The following NSUN6 variants were observed in gnomAD, a reference collection of about 807,000 sequenced individuals.
NSUN6 encodes the protein tRNA (cytosine(72)-C(5))-methyltransferase NSUN6.
In NSUN6, 64 loss-of-function variants were observed where a neutral mutation model predicts 58.0. That is an observed-to-expected ratio of 1.10 (90% CI 0.90 to 1.36). NSUN6 has a LOEUF of 1.36. Among genes scored for constraint, NSUN6 ranks in the 40% most tolerant of loss-of-function variants. NSUN6 has a pLI of 0.00. For missense variants in NSUN6, 701 were observed against 550.1 expected (o/e 1.27, Z -2.74); for synonymous variants, 231 against 193.9 (o/e 1.19, Z -1.59).
chr10:18,562,381 G>A (rs1471214680), intron 8 of NSUN6, among the ~76,000 whole-genome samples: 19 of 146,050 alleles, frequency 1.3e-4, no homozygotes, highest in African/African-American at 4.3e-4. Context: ...AAGAATGGAG[G>A]ATAGAATAGA....
At chr10:18,620,781 G>A (rs1477143684) in intron 3 of NSUN6, among the ~76,000 whole-genome samples, 1 of 152,128 alleles carries the variant, frequency 6.6e-6, no homozygotes, top group South Asian at 2.1e-4. Flanking sequence ...AGTCTGACTT[G>A]TACCAAAGTC....
At chr10:18,565,614 CCATTTGTTA>C (rs1039595980) in intron 8 of NSUN6, among the ~76,000 whole-genome samples, 1 of 150,434 alleles carries the variant, frequency 6.6e-6, no homozygotes, top group Non-Finnish European at 1.5e-5. Flanking sequence ...ATTCCATTCT[CCATTTGTTA>C]CATTTTCCAT....
chr10:18,588,163 G>T (rs1197966081), intron 7 of NSUN6, among the ~76,000 whole-genome samples: 1 of 152,196 alleles, frequency 6.6e-6, no homozygotes, highest in Non-Finnish European at 1.5e-5. Flanking sequence ...TTTGGACTGG[G>T]AAGAATTGAC....
At chr10:18,652,342 G>C (rs1200632448), upstream of NSUN6, 2 of 982,702 alleles carry the variant, frequency 2.0e-6, no homozygotes, top group African/African-American at 1.8e-5. Context: ...CTATCACCTT[G>C]ACATATGTTT....
chr10:18,570,727 ACTCCATTTCATTCCATT>A (rs2056307447), intron 8 of NSUN6, among the ~76,000 whole-genome samples: 2 of 131,528 alleles, frequency 1.5e-5, no homozygotes, highest in African/African-American at 5.9e-5. Flanking sequence ...TCCATTCTCC[ACTCCATTTCATTCCATT>A]CTCCATTCCA....
chr10:18,587,888 T>C (rs964799618), intron 7 of NSUN6, among the ~76,000 whole-genome samples: 1 of 152,148 alleles, frequency 6.6e-6, no homozygotes, highest in African/African-American at 2.4e-5. Context: ...GTTTTTTTTT[T>C]TGTACCTCAG....
chr10:18,628,626 A>G (rs954378754), intron 3 of NSUN6, among the ~76,000 whole-genome samples: 24 of 152,220 alleles, frequency 1.6e-4, no homozygotes, highest in East Asian at 1.9e-4. Context: ...CTCAGGAGCC[A>G]ATGTGATCAA....
In NSUN6 at chr10:18,586,084, T is replaced by C. The variant is rs140611853; in HGVS notation, c.787A>G (p.Ile263Val). 13 of 1,575,416 alleles carry C rather than the reference T, an allele frequency of 8.3e-6. No homozygotes were observed. The African/African-American group carries it at 1.8e-4, about 22-fold the overall frequency. ...TTGTTGAAGATTTTATCCAGTGCTA[T>C]AACTTCTCCCTAAAAAGAAACAAAA... ...AALMHDQGEV[I>V]ALDKIFNKVE... Residue 263 changes from isoleucine to valine, a missense_variant, in exon 8 of 11, where the codon ATA (isoleucine) becomes GTA (valine). Transcript: ENST00000377304.
intron 7 of NSUN6, among the ~76,000 whole-genome samples, chr10:18,588,852 G>A (rs1042834388): frequency 3.0e-4 from 46 of 152,154 alleles, no homozygotes; most frequent in African/African-American, 1.1e-3. Context: ...AAACCAGAAT[G>A]CCTCTTCTCC....
intron 7 of NSUN6, among the ~76,000 whole-genome samples, chr10:18,592,542 G>C (rs558895073): frequency 1.3e-5 from 2 of 152,118 alleles, no homozygotes; most frequent in Non-Finnish European, 2.9e-5. Flanking sequence ...TAACAGAACA[G>C]AGACCTCAGA....
At chr10:18,563,434 T>A (rs1245382024) in intron 8 of NSUN6, among the ~76,000 whole-genome samples, 1 of 149,662 alleles carries the variant, frequency 6.7e-6, no homozygotes, top group Non-Finnish European at 1.5e-5. Context: ...ATGGCAGGAA[T>A]GGAATGGAGA....
intron 3 of NSUN6, among the ~76,000 whole-genome samples, chr10:18,625,523 A>G (rs1010247357): frequency 1.3e-5 from 2 of 151,462 alleles, no homozygotes; most frequent in Non-Finnish European, 2.9e-5. Flanking sequence ...GACCAGCCTG[A>G]CCAACATGGT....
rs757323850 is a variant in NSUN6 at position 18,609,882 on chromosome 10, G to A, written c.620C>T (p.Ser207Leu). Residue 207 changes from serine (S) to leucine (L), a missense_variant, in exon 6 of 11, where the codon TCA (serine) becomes TTA (leucine). Physicochemically the swap from Ser to Leu is moderately radical, Grantham distance 145. Transcript: ENST00000377304. ...GTAACGGGGCAGTACACTGTCAAAT[G>A]AAGGGCTGAGATATACTGGTTCTGT... is the stretch of plus-strand genomic sequence containing the variant. ...RMTEPVYLSP[S>L]FDSVLPRYLF... 1 of 1,605,120 alleles carries A rather than the reference G, an allele frequency of 6.2e-7. No homozygotes were observed. The highest frequency in any genetic ancestry group is 8.5e-7 in the Non-Finnish European group (1 of 1,172,010).
chr10:18,569,787 T>C (rs543106996), intron 8 of NSUN6, among the ~76,000 whole-genome samples: 31 of 151,614 alleles, frequency 2.0e-4, no homozygotes, highest in Admixed American at 4.0e-4. Context: ...TGCATTTCAT[T>C]CCATTCTCCA....
intron 8 of NSUN6, among the ~76,000 whole-genome samples, chr10:18,560,461 T>G (rs1766510296): frequency 7.8e-6 from 1 of 127,810 alleles, no homozygotes; most frequent in East Asian, 2.4e-4. Flanking sequence ...CATGCACTGG[T>G]GAATAGAAAG....
Position 18,546,092 on chromosome 10 carries a change from C to T in NSUN6, c.1251G>A (p.Gln417=). 6.2e-7 allele frequency: 1 copy of T among 1,611,768 alleles called. No individual in the cohort carries two copies. The highest frequency in any genetic ancestry group is 8.5e-7 in the Non-Finnish European group (1 of 1,179,208). The change falls in exon 11 of 11, where the codon CAG becomes CAA. Residue 417 remains glutamine (Q), a synonymous_variant. Transcript: ENST00000377304. ...GATCAAATCGCTGCAGCTGTTTCAACTGTTCACATGAGAGCCCAGCTCCCC... is the reference window on the plus strand; with the variant it reads ...GATCAAATCGCTGCAGCTGTTTCAATTGTTCACATGAGAGCCCAGCTCCCC... ...GMRGAGLSCE[Q]LKQLQRFDPS...
chr10:18,629,825 G>T (rs2058964095), intron 3 of NSUN6, among the ~76,000 whole-genome samples: 2 of 147,328 alleles, frequency 1.4e-5, no homozygotes, highest in African/African-American at 5.0e-5. Context: ...ACACCCCACT[G>T]TCAACATTAC....
chr10:18,639,349 C>T (rs1200602572), intron 3 of NSUN6, among the ~76,000 whole-genome samples: 2 of 151,960 alleles, frequency 1.3e-5, no homozygotes, highest in African/African-American at 4.8e-5. Flanking sequence ...AAAAATGAAG[C>T]CAGGTGTGGT....
chr10:18,620,233 A>C (rs1017722735), intron 3 of NSUN6, among the ~76,000 whole-genome samples: 5 of 151,826 alleles, frequency 3.3e-5, no homozygotes, highest in Non-Finnish European at 5.9e-5. Context: ...GACTACAGGC[A>C]CCCGCCACCA....
Sources: allele counts gnomAD v4.1 joint callset (sites outside exome capture counted in the v4.1 genomes callset), GRCh38; gene constraint gnomAD v4.1.1; transcripts MANE v1.5; gene names NCBI Gene and HGNC (gene_info 2026-07-23, HGNC 2026-07-21).